Variants in MICU1 observed in about 807,000 individuals in gnomAD.
MICU1 encodes calcium uptake protein 1, mitochondrial.
Under a neutral mutation model 56.8 loss-of-function variants are expected in MICU1, and 45 were observed. The observed-to-expected ratio is 0.79, with a 90% CI of 0.62 to 1.02. The LOEUF (loss-of-function observed/expected upper bound fraction) is 1.02. MICU1 is among the 50% of genes least tolerant of loss of function. MICU1 has a pLI of 0.00. For synonymous variants in MICU1, 186 were observed against 195.1 expected (o/e 0.95, Z 0.39); for missense variants, 504 against 587.1 (o/e 0.86, Z 1.46).
intron 8 of MICU1, among the ~76,000 whole-genome samples, chr10:72,449,800 T>C (rs1026144328): frequency 1.3e-5 from 2 of 152,180 alleles, no homozygotes; most frequent in Admixed American, 6.5e-5. Flanking sequence ...TTTACAAACA[T>C]GGCTTTTAGG....
chr10:72,401,666 A>G (rs951992720), intron 10 of MICU1, among the ~76,000 whole-genome samples: 1 of 152,120 alleles, frequency 6.6e-6, no homozygotes, highest in African/African-American at 2.4e-5. Context: ...AAAAACAAAA[A>G]CGAAAACAAA....
intron 9 of MICU1, among the ~76,000 whole-genome samples, chr10:72,412,808 G>A (rs185163395): frequency 4.7e-5 from 7 of 149,444 alleles, no homozygotes; most frequent in Non-Finnish European, 5.9e-5. Context: ...CCAAGATTGC[G>A]CCATTGCACT....
chr10:72,448,200 T>A (rs1298244712), intron 8 of MICU1, among the ~76,000 whole-genome samples: 108 of 121,182 alleles, frequency 8.9e-4, no homozygotes, highest in African/African-American at 3.0e-3. Context: ...TATATTTTTT[T>A]TTTTTTTTTT....
intron 1 of MICU1, among the ~76,000 whole-genome samples, chr10:72,595,658 G>C (rs1426246617): frequency 2.0e-5 from 3 of 152,044 alleles, no homozygotes; most frequent in Non-Finnish European, 4.4e-5. Flanking sequence ...CAAAGCTCTT[G>C]GTCCTGCTAA....
At chr10:72,525,464 C>T (rs1349874163) in intron 5 of MICU1, among the ~76,000 whole-genome samples, 4 of 152,190 alleles carry the variant, frequency 2.6e-5, no homozygotes, top group African/African-American at 4.8e-5. Flanking sequence ...AGATGAATCA[C>T]TGTGAACACA....
intron 1 of MICU1, among the ~76,000 whole-genome samples, chr10:72,591,364 GATA>G (rs1841219623): frequency 6.6e-6 from 1 of 150,652 alleles, no homozygotes; most frequent in South Asian, 2.1e-4. Flanking sequence ...GCATAAGGAA[GATA>G]ATAATAATGA....
intron 10 of MICU1, chr10:72,379,428 CT>C (rs1862630139): frequency 3.7e-6 from 1 of 273,602 alleles, no homozygotes; most frequent in African/African-American, 2.3e-5. Flanking sequence ...TGAACACTTT[CT>C]GTTAACCATT....
chr10:72,387,717 TA>T (rs1006021689), intron 10 of MICU1, among the ~76,000 whole-genome samples: 1 of 143,682 alleles, frequency 7.0e-6, no homozygotes, highest in Admixed American at 7.1e-5. Context: ...CAAAAGTGAC[TA>T]AAAAAAAGCA....
chr10:72,524,003 A>G, intron 5 of MICU1: 1 of 1,261,488 alleles, frequency 7.9e-7, no homozygotes, highest in African/African-American at 1.5e-5. Context: ...GCAACTGCTT[A>G]TTTGTATTTA....
At chr10:72,537,665 T>C (rs1839670352) in intron 4 of MICU1, among the ~76,000 whole-genome samples, 1 of 152,216 alleles carries the variant, frequency 6.6e-6, no homozygotes, top group African/African-American at 2.4e-5. Flanking sequence ...TTTTTTATTT[T>C]AACTCTAATA....
chr10:72,388,202 T>C (rs1389853876), intron 10 of MICU1, among the ~76,000 whole-genome samples: 3 of 152,214 alleles, frequency 2.0e-5, no homozygotes, highest in Non-Finnish European at 4.4e-5. Flanking sequence ...AACAGAGCAC[T>C]GGTATACCAA....
At position 72,591,537 on chromosome 10, in the gene MICU1, G is replaced by A. The variant is rs547729181; in HGVS notation, c.-1-24743C>T. Among the ~76,000 whole-genome samples the A allele has an allele frequency of 2.6e-5, 4 of 152,194 alleles. No individual in the cohort carries two copies. In the South Asian group the frequency reaches 8.3e-4, roughly 32 times the overall value. On this transcript the variant is annotated intron_variant, in intron 1 of 11. Coordinates refer to ENST00000361114, the MANE Select transcript of MICU1 (RefSeq NM_001195518.2). ...GCTGACCAAAATCAGAAATGAAAGT[G>A]GGGATATTACTACAGATTTTACAGA...
chr10:72,465,326 T>C (rs78685834), intron 8 of MICU1, among the ~76,000 whole-genome samples: 1 of 144,716 alleles, frequency 6.9e-6, no homozygotes, highest in African/African-American at 2.7e-5. Context: ...TTTTTTTTTT[T>C]GGTAAAAACC....
At chr10:72,523,910 C>A in intron 5 of MICU1, 12 of 1,493,416 alleles carry the variant, frequency 8.0e-6, no homozygotes, top group Non-Finnish European at 9.8e-6. Flanking sequence ...CATTGATTAG[C>A]TCAGAAAAGC....
chr10:72,473,205 T>C (rs955529228), intron 8 of MICU1: 2 of 151,994 alleles, frequency 1.3e-5, no homozygotes, highest in Non-Finnish European at 2.9e-5. Context: ...CTAAGAAAGA[T>C]TGATAAAAAC....
intron 6 of MICU1, among the ~76,000 whole-genome samples, chr10:72,495,603 C>G (rs1043447969): frequency 7.4e-6 from 1 of 135,376 alleles, no homozygotes; most frequent in Admixed American, 8.4e-5. Context: ...TGCAGTGAGC[C>G]AAGATTGTAC....
At chr10:72,552,228 T>C (rs1219490215) in intron 3 of MICU1, among the ~76,000 whole-genome samples, 1 of 152,160 alleles carries the variant, frequency 6.6e-6, no homozygotes, top group Non-Finnish European at 1.5e-5. Context: ...CAAGCAAATG[T>C]TGGAATAGCA....
intron 1 of MICU1, among the ~76,000 whole-genome samples, chr10:72,589,014 AC>A: frequency 6.6e-6 from 1 of 152,324 alleles, no homozygotes; most frequent in Admixed American, 6.5e-5. Flanking sequence ...TGGGCTGGGC[AC>A]GGTGACTCAC....
chr10:72,397,271 T>C (rs1445719188), intron 10 of MICU1, among the ~76,000 whole-genome samples: 1 of 152,012 alleles, frequency 6.6e-6, no homozygotes, highest in African/African-American at 2.4e-5. Context: ...TTATAAGAGC[T>C]CCTGAAGGAA....
Sources: gnomAD v4.1 joint callset for allele counts (sites outside exome capture counted in the v4.1 genomes callset) on GRCh38, gnomAD v4.1.1 for gene constraint, MANE v1.5 for transcripts, NCBI Gene and HGNC (gene_info 2026-07-23, HGNC 2026-07-21) for gene names.